DPYSL2: variants seen among roughly 807,000 people sequenced by gnomAD.
The protein encoded by DPYSL2 is dihydropyrimidinase-related protein 2.
A neutral mutation model predicts 69.9 loss-of-function variants in DPYSL2; 13 were observed. The observed-to-expected ratio is 0.19, with a 90% confidence interval of 0.12 to 0.30. DPYSL2 has a LOEUF of 0.30. Ranked by LOEUF, DPYSL2 falls within the 10% of genes least tolerant of loss-of-function variation. DPYSL2 has a pLI of 1.00. For missense variants in DPYSL2, 587 were observed against 918.9 expected, an observed-to-expected ratio of 0.64 and a Z score of 4.67; for synonymous variants, 326 against 359.1, an observed-to-expected ratio of 0.91 and a Z score of 1.04.
rs933742523 is a variant in DPYSL2, at chr8:26,591,004, T to C, written c.628+7021T>C. 6.6e-6 allele frequency among the ~76,000 whole-genome samples: 1 copy of C among 152,172 alleles called. No homozygotes were observed. Among genetic ancestry groups the C allele is most frequent in the African/African-American group, 2.4e-5 (1 of 41,434 alleles). On this transcript the variant is annotated intron_variant, in intron 3 of 13. Transcript: ENST00000521913. This position sits in a 1 kb window ranked among gnomAD's most constrained non-coding sequence, Gnocchi z 5.8. ...TGTTTCGTGGACATTGTGGCAGTTA[T>C]CATACTGTCCCAGGGTTTCTTGCCC... is the stretch of plus-strand genomic sequence containing the variant.
chr8:26,645,905 C>G (rs1336268592), intron 10 of DPYSL2, among the ~76,000 whole-genome samples: 1 of 150,636 alleles, frequency 6.6e-6, no homozygotes, highest in Non-Finnish European at 1.5e-5. Context: ...CACTCTTTCC[C>G]CCCAGGCTGG....
chr8:26,587,626 G>A lies in DPYSL2; in HGVS notation c.628+3643G>A, dbSNP rs1266012291. 6.6e-6 allele frequency among the ~76,000 whole-genome samples: 1 copy of A among 152,258 alleles called. No individual in the cohort carries two copies. The highest frequency in any genetic ancestry group is 6.5e-5 in the Admixed American group (1 of 15,284). On this transcript the variant is annotated intron_variant, in intron 3 of 13. Coordinates refer to ENST00000521913, the MANE Select transcript of DPYSL2 (RefSeq NM_001197293.3). This position sits in a 1 kb window ranked among gnomAD's most constrained non-coding sequence, Gnocchi z 4.2. Reference sequence around the variant, plus strand: ...GCCATTAAACAGAGCCTGCTATTGAGAATCACACAATGAGATCTTTATGAG... The same window carrying A: ...GCCATTAAACAGAGCCTGCTATTGAAAATCACACAATGAGATCTTTATGAG...
chr8:26,563,166 T>C (rs2129667293), intron 1 of DPYSL2, among the ~76,000 whole-genome samples: 1 of 152,270 alleles, frequency 6.6e-6, no homozygotes, highest in East Asian at 1.9e-4. Flanking sequence ...GCCAAAGAAT[T>C]TGTGGCACTG....
intron 3 of DPYSL2, among the ~76,000 whole-genome samples, chr8:26,590,288 T>C (rs1585529539): frequency 6.6e-6 from 1 of 152,318 alleles, no homozygotes; most frequent in East Asian, 1.9e-4. Context: ...GCCATTGGTG[T>C]GGGCTGGTTC....
chr8:26,637,461 T>A (rs2129951924), intron 8 of DPYSL2: 1 of 152,344 alleles, frequency 6.6e-6, no homozygotes, highest in South Asian at 2.1e-4. Context: ...CTGTCAGGCA[T>A]CTAACTTGAG....
chr8:26,576,821 G>A (rs915900261), intron 1 of DPYSL2, among the ~76,000 whole-genome samples: 6 of 152,174 alleles, frequency 3.9e-5, no homozygotes, highest in Admixed American at 3.9e-4. Context: ...GTGCGGTGTG[G>A]GTCCCATCCA....
intron 7 of DPYSL2, among the ~76,000 whole-genome samples, chr8:26,634,008 C>T (rs1313195801): frequency 6.6e-6 from 1 of 152,236 alleles, no homozygotes; most frequent in African/African-American, 2.4e-5. Context: ...CTCCACATCA[C>T]TGAATATCTT....
At chr8:26,579,430 G>A (rs905298764) in intron 1 of DPYSL2, among the ~76,000 whole-genome samples, 3 of 152,238 alleles carry the variant, frequency 2.0e-5, no homozygotes, top group African/African-American at 7.2e-5. Context: ...ATAAGGATGT[G>A]CAATTGCAAC....
chr8:26,646,916 G>A (rs893518827), intron 10 of DPYSL2, among the ~76,000 whole-genome samples: 3 of 151,870 alleles, frequency 2.0e-5, no homozygotes, highest in African/African-American at 4.8e-5. Context: ...CTGAGAGGCC[G>A]AGGCTGCAGT....
intron 3 of DPYSL2, among the ~76,000 whole-genome samples, chr8:26,613,500 G>C (rs530776473): frequency 6.6e-6 from 1 of 152,366 alleles, no homozygotes; most frequent in Admixed American, 6.5e-5. Context: ...GGCAGGTACA[G>C]TCACCAGAGA....
Position 26,571,846 on chromosome 8 carries a change from G to T in DPYSL2, c.355-10123G>T, listed in dbSNP as rs935149090. Among the ~76,000 whole-genome samples, 5 of 152,152 alleles carry T rather than the reference G, an allele frequency of 3.3e-5. No individual in the cohort carries two copies. The highest frequency in any genetic ancestry group is 6.5e-5 in the Admixed American group (1 of 15,276). ...CAGGGGAAGGCAGTGGGCAGGTTCC[G>T]ATCCAATCTGCAGTCTCTGACCCTT... On this transcript the variant is annotated intron_variant, in intron 1 of 13. Coordinates refer to ENST00000521913, the MANE Select transcript of DPYSL2 (RefSeq NM_001197293.3). The surrounding 1 kb of genome is among the most constrained non-coding windows in gnomAD (Gnocchi z 6.1).
At chr8:26,553,464 T>C (rs1800900066) in intron 1 of DPYSL2, among the ~76,000 whole-genome samples, 1 of 152,150 alleles carries the variant, frequency 6.6e-6, no homozygotes, top group Non-Finnish European at 1.5e-5. Flanking sequence ...CACTTATAAG[T>C]GGGAATATGC....
At chr8:26,603,557 T>C (rs1802042485) in intron 3 of DPYSL2, among the ~76,000 whole-genome samples, 1 of 152,226 alleles carries the variant, frequency 6.6e-6, no homozygotes, top group Non-Finnish European at 1.5e-5. Flanking sequence ...AGTGGCATTG[T>C]GTATTCGCAT....
intron 1 of DPYSL2, among the ~76,000 whole-genome samples, chr8:26,534,397 G>A (rs1354035812): frequency 2.7e-5 from 4 of 150,066 alleles, no homozygotes; most frequent in African/African-American, 9.8e-5. Context: ...GGGCTCAAAT[G>A]ATCCACCCCC....
At chr8:26,628,068 C>T in intron 7 of DPYSL2, 128 bp downstream of exon 7, 1 of 916,020 alleles carries the variant, frequency 1.1e-6, no homozygotes, top group Non-Finnish European at 1.7e-6. Context: ...TTCTGAGAAG[C>T]TGTGGGTCAC....
rs1292847556 is a variant in DPYSL2, at chr8:26,621,695, G to A, written c.629-2448G>A. 6.6e-6 allele frequency among the ~76,000 whole-genome samples: 1 copy of A among 152,130 alleles called. No individual in the cohort carries two copies. The highest frequency in any genetic ancestry group is 2.4e-5 in the African/African-American group (1 of 41,416). On this transcript the variant is annotated intron_variant, in intron 3 of 13. Transcript: ENST00000521913. The surrounding 1 kb of genome is among the most constrained non-coding windows in gnomAD (Gnocchi z 4.9). ...GGAGATGCCCAAGTCAAGAGCGAGG[G>A]GAATGGGTTTCCAGAGAGAGAGAGG...
intron 2 of DPYSL2, among the ~76,000 whole-genome samples, chr8:26,583,484 A>G (rs62491908): frequency 0.014 from 2,058 of 152,356 alleles, 25 homozygotes; most frequent in Middle Eastern, 0.068. Flanking sequence ...CAAGTGCTGT[A>G]AAGAAAGTTT....
intron 1 of DPYSL2, among the ~76,000 whole-genome samples, chr8:26,577,598 G>A (rs1801381531): frequency 6.7e-6 from 1 of 149,312 alleles, no homozygotes; most frequent in African/African-American, 2.4e-5. Context: ...CCGTCTCGGG[G>A]TGCCGCCCCT....
At chr8:26,603,365 G>T (rs1345129414) in intron 3 of DPYSL2, among the ~76,000 whole-genome samples, 4 of 152,098 alleles carry the variant, frequency 2.6e-5, no homozygotes, top group African/African-American at 9.7e-5. Flanking sequence ...TAGAGACGGG[G>T]TTTCACCATA....
Sources: allele counts gnomAD v4.1 joint callset (sites outside exome capture counted in the v4.1 genomes callset), GRCh38; gene constraint gnomAD v4.1.1; non-coding constraint Gnocchi (gnomAD v3.1); transcripts MANE v1.5; gene names NCBI Gene and HGNC (gene_info 2026-07-23, HGNC 2026-07-21).